Variants in RIOK3 observed in about 807,000 individuals in gnomAD.
RIOK3 encodes the protein RIO kinase 3, also known as serine/threonine-protein kinase RIO3.
Under a neutral mutation model 63.5 loss-of-function variants are expected in RIOK3, and 40 were observed. The observed-to-expected ratio is 0.63, with a 90% CI of 0.49 to 0.82. RIOK3 has a LOEUF of 0.82. Ranked by LOEUF, RIOK3 falls within the 40% of genes least tolerant of loss-of-function variation. The pLI, the probability that RIOK3 is intolerant of heterozygous loss-of-function variation, is 0.00. For missense variants in RIOK3, 557 were observed against 637.0 expected (o/e 0.87, Z 1.35); for synonymous variants, 193 against 205.0 (o/e 0.94, Z 0.50).
intron 6 of RIOK3, 109 bp downstream of exon 6, chr18:23,466,385 G>A (rs529222328): frequency 2.8e-4 from 252 of 906,724 alleles, no homozygotes; most frequent in Middle Eastern, 1.0e-3. Flanking sequence ...CATGAGATTG[G>A]CTTTTTAAAT....
intron 1 of RIOK3, among the ~76,000 whole-genome samples, chr18:23,460,390 T>C (rs565181222): frequency 9.8e-5 from 15 of 152,338 alleles, no homozygotes; most frequent in African/African-American, 3.6e-4. Context: ...TATAGCAAAA[T>C]GCTAAGAGTG....
At chr18:23,476,038 C>T (rs2057488590) in intron 9 of RIOK3, among the ~76,000 whole-genome samples, 1 of 148,416 alleles carries the variant, frequency 6.7e-6, no homozygotes, top group African/African-American at 2.5e-5. Flanking sequence ...CCTCTTGCCT[C>T]AGCATCCCAA....
chr18:23,474,944 A>G lies in RIOK3; in HGVS notation c.1014-4A>G, dbSNP rs1224861847. The G allele has an allele frequency of 1.9e-6, 3 of 1,598,520 alleles. No homozygotes were observed. Among genetic ancestry groups the G allele is most frequent in the South Asian group, 1.1e-5 (1 of 90,416 alleles). ...TATATTCTGAATCATTTCTTTATGT[A>G]TAGAATGCAGAGAGCTGGAATTCCT... On this transcript the variant is annotated splice_polypyrimidine_tract_variant and splice_region_variant and intron_variant, in intron 8 of 12. Coordinates refer to ENST00000339486, the MANE Select transcript of RIOK3 (RefSeq NM_003831.5).
At chr18:23,458,125 G>A (rs111501424) in intron 1 of RIOK3, among the ~76,000 whole-genome samples, 27 of 150,510 alleles carry the variant, frequency 1.8e-4, no homozygotes, top group African/African-American at 4.9e-4. Context: ...GGCTGGTGTC[G>A]AACTCCTGAG....
chr18:23,480,555 G>GCATACACA (rs1555621689), intron 12 of RIOK3, among the ~76,000 whole-genome samples: 4 of 141,990 alleles, frequency 2.8e-5, no homozygotes, highest in African/African-American at 1.1e-4. Context: ...TTGGATGCAC[G>GCATACACA]CACACACACA....
At position 23,473,557 on chromosome 18, in the gene RIOK3, G is replaced by A. The variant is rs762479878; in HGVS notation, c.944G>A (p.Arg315His). 26 of 1,613,274 alleles carry A rather than the reference G, an allele frequency of 1.6e-5. No individual in the cohort carries two copies. The highest frequency in any genetic ancestry group is 5.0e-5 in the Admixed American group (3 of 59,944). The change falls in exon 8 of 13, where the codon CGC becomes CAC. Residue 315 changes from arginine to histidine, a missense_variant. By Grantham distance (29) the Arg-to-His change is conservative (BLOSUM62 0). Coordinates refer to ENST00000339486, the MANE Select transcript of RIOK3 (RefSeq NM_003831.5). Reference protein sequence around the residue: ...YIKDDFRFKDRFSKLNPRKII... With the variant: ...YIKDDFRFKDHFSKLNPRKII... ...AAAGATGATTTCAGGTTTAAAGATCGCTTCAGTAAACTAAATCCACGTAAG... is the reference window on the plus strand; with the variant it reads ...AAAGATGATTTCAGGTTTAAAGATCACTTCAGTAAACTAAATCCACGTAAG...
chr18:23,455,545 C>T (rs1351891330), intron 1 of RIOK3, among the ~76,000 whole-genome samples: 1 of 151,686 alleles, frequency 6.6e-6, no homozygotes, highest in Non-Finnish European at 1.5e-5. Context: ...GTGCCCACCA[C>T]CACACCCGGC....
chr18:23,453,622 C>A, intron 1 of RIOK3, 120 bp downstream of exon 1: 1 of 852,030 alleles, frequency 1.2e-6, no homozygotes, highest in South Asian at 1.4e-5. Flanking sequence ...CCCCGCGGAC[C>A]TCGGCAAGGG....
intron 8 of RIOK3, among the ~76,000 whole-genome samples, chr18:23,474,020 T>C (rs2057473494): frequency 6.6e-6 from 1 of 152,210 alleles, no homozygotes; most frequent in Non-Finnish European, 1.5e-5. Flanking sequence ...TTGTTTTAAT[T>C]TTTATACTTG....
chr18:23,454,296 T>C (rs1315221078), intron 1 of RIOK3, among the ~76,000 whole-genome samples: 3 of 152,238 alleles, frequency 2.0e-5, no homozygotes, highest in African/African-American at 7.2e-5. Flanking sequence ...GTTCTTTACA[T>C]GCTAACACAG....
At position 23,479,363 on chromosome 18, in the gene RIOK3, TC is replaced by T. The variant is rs2057516088; in HGVS notation, c.1392del (p.Phe465SerfsTer7). The T allele has an allele frequency of 6.2e-7, 1 of 1,613,862 alleles. No individual in the cohort carries two copies. The highest frequency in any genetic ancestry group is 1.7e-5 in the Admixed American group (1 of 60,000). ...AAGGAAGCCCTTAGTGAACGAGAAC[TC>T]TTCAATGCTGTTTCAGGCTTAAACA... The part of the protein sequence containing the change: ...GVKEALSERE[L>X]FNAVSGLNIT... On this transcript the variant is annotated frameshift_variant, in exon 12 of 13. Coordinates refer to ENST00000339486, the MANE Select transcript of RIOK3 (RefSeq NM_003831.5). LOFTEE classifies it high-confidence loss of function.
intron 7 of RIOK3, among the ~76,000 whole-genome samples, chr18:23,469,336 T>TCCC (rs56779968): frequency 6.9e-4 from 10 of 14,540 alleles, no homozygotes; most frequent in African/African-American, 1.4e-3. Flanking sequence ...TCTCTCTCTC[T>TCCC]CCCCCTCTCT....
intron 8 of RIOK3, among the ~76,000 whole-genome samples, chr18:23,474,394 A>T (rs1846933): frequency 0.99 from 151,026 of 152,248 alleles, 74,923 homozygotes; most frequent in Middle Eastern, 1. Flanking sequence ...TTTTTTCAAT[A>T]AATTAATTAA....
intron 1 of RIOK3, among the ~76,000 whole-genome samples, chr18:23,457,184 G>A (rs2057346500): frequency 6.6e-6 from 1 of 152,180 alleles, no homozygotes; most frequent in South Asian, 2.1e-4. Context: ...GTACCAGGGT[G>A]CAAGTTACAA....
intron 12 of RIOK3, 114 bp from the exon 13 acceptor site, chr18:23,481,058 C>T (rs913638909): frequency 3.6e-5 from 25 of 703,184 alleles, no homozygotes; most frequent in South Asian, 1.6e-4. Context: ...CCAGCCTGGA[C>T]GACAGAGTGA....
Position 23,462,999 on chromosome 18 carries a change from T to G in RIOK3, c.99T>G (p.Cys33Trp), listed in dbSNP as rs1168897069. ...CTATTCCTCAAAATACAATATCTTG[T>G]TCTTTGGCTGATGTAATGAGTGAAC... is the stretch of plus-strand genomic sequence containing the variant. ...PWAIPQNTIS[C>W]SLADVMSEQL... Residue 33 changes from cysteine (C) to tryptophan (W), a missense_variant, in exon 2 of 13, where the codon TGT becomes TGG. Around this residue, in one of 3 missense-constraint regions of RIOK3, gnomAD observed 243 missense variants for 275.4 expected, o/e 0.88. Coordinates refer to ENST00000339486, the MANE Select transcript of RIOK3 (RefSeq NM_003831.5). 5 of 1,605,766 alleles carry G rather than the reference T, an allele frequency of 3.1e-6. No homozygotes were observed. The highest frequency in any genetic ancestry group is 4.2e-6 in the Non-Finnish European group (5 of 1,176,568).
In RIOK3 at chr18:23,467,494, G is replaced by A; in HGVS notation, c.783G>A (p.Lys261=). The change falls in exon 7 of 13, where the codon AAG becomes AAA. Residue 261 remains lysine (K), a synonymous_variant. Coordinates refer to ENST00000339486, the MANE Select transcript of RIOK3 (RefSeq NM_003831.5). ...TCACTGGCTGTATTAGTACAGGAAA[G>A]GAGTCTGTTGTCTTTCATGCATATG... is the stretch of plus-strand genomic sequence containing the variant. ...ETITGCISTG[K]ESVVFHAYGG... 1.2e-6 allele frequency: 2 copies of A among 1,613,472 alleles called. No individual in the cohort carries two copies. The highest frequency in any genetic ancestry group is 1.7e-6 in the Non-Finnish European group (2 of 1,179,574).
chr18:23,468,293 CTTTT>C (rs1245472469), intron 7 of RIOK3, among the ~76,000 whole-genome samples: 1 of 46,448 alleles, frequency 2.2e-5, no homozygotes, highest in Non-Finnish European at 3.7e-5. Context: ...CAATATACTC[CTTTT>C]TTTTTTTTTT....
At chr18:23,476,271 G>A (rs371040862) in intron 9 of RIOK3, among the ~76,000 whole-genome samples, 41 of 152,308 alleles carry the variant, frequency 2.7e-4, no homozygotes, top group African/African-American at 9.6e-4. Context: ...CTTCCAGGTT[G>A]AGACAATGCT....
Sources: gnomAD v4.1 joint callset for allele counts (sites outside exome capture counted in the v4.1 genomes callset) on GRCh38, gnomAD v4.1.1 for gene constraint, gnomAD v4.1.1 regional missense constraint, MANE v1.5 for transcripts, NCBI Gene and HGNC (gene_info 2026-07-23, HGNC 2026-07-21) for gene names.